Variants in HMGB1 observed in about 807,000 individuals in gnomAD.
HMGB1 encodes high mobility group protein B1.
For missense variants in HMGB1, 79 were observed against 253.5 expected, an observed-to-expected ratio of 0.31 and a Z score of 4.67; for synonymous variants, 81 against 84.0, an observed-to-expected ratio of 0.96 and a Z score of 0.19.
At position 30,460,398 on chromosome 13, in the gene HMGB1, C is replaced by A. The variant is rs1465623284; in HGVS notation, c.*959G>T. The stretch of plus-strand genomic sequence containing the variant: ...TCATAGTCTTCACTGAGACTAATGT[C>A]AACAAAAAATTTAATATGGCAGTCT... On this transcript the variant is annotated 3_prime_UTR_variant, in exon 5 of 5. Coordinates refer to ENST00000341423, the MANE Select transcript of HMGB1 (RefSeq NM_002128.7). The A allele has an allele frequency of 4.6e-5, 7 of 151,268 alleles. No homozygotes were observed. Among genetic ancestry groups the A allele is most frequent in the Non-Finnish European group, 7.4e-5 (5 of 67,688 alleles). The allele number at this position is 151,268 out of a possible 1,614,324, so 9.4% of individuals were successfully genotyped here. A position where few individuals can be genotyped will look rare whatever the true frequency, so the allele number is the denominator to read the frequency against.
At chr13:30,463,173 G>T in intron 3 of HMGB1, 34 bp downstream of exon 3, 1 of 1,589,790 alleles carries the variant, frequency 6.3e-7, no homozygotes, top group South Asian at 1.2e-5. Context: ...ACTGTAAAAC[G>T]TGTCTGGGAA....
intron 1 of HMGB1, among the ~76,000 whole-genome samples, chr13:30,473,702 C>T (rs1188832381): frequency 1.3e-5 from 2 of 152,294 alleles, no homozygotes; most frequent in East Asian, 3.9e-4. Flanking sequence ...GACAGTTCCT[C>T]AAAAGGTTAA....
chr13:30,538,757 T>C (rs1371358667), intron 1 of HMGB1, among the ~76,000 whole-genome samples: 5 of 148,842 alleles, frequency 3.4e-5, no homozygotes, highest in African/African-American at 7.5e-5. Flanking sequence ...TTTTCTTTCT[T>C]TCTCTTTCTC....
chr13:30,602,671 A>G (rs1422629190), intron 1 of HMGB1, among the ~76,000 whole-genome samples: 1 of 151,988 alleles, frequency 6.6e-6, no homozygotes, highest in African/African-American at 2.4e-5. Flanking sequence ...TCAACACTTC[A>G]ATAATCACTG....
intron 1 of HMGB1, among the ~76,000 whole-genome samples, chr13:30,609,161 G>A (rs1374011662): frequency 2.0e-5 from 3 of 152,200 alleles, no homozygotes; most frequent in Admixed American, 6.5e-5. Flanking sequence ...TACTCAGGAC[G>A]CTGAGGCAGG....
intron 1 of HMGB1, among the ~76,000 whole-genome samples, chr13:30,514,308 A>T (rs1176331506): frequency 1.3e-5 from 2 of 151,448 alleles, no homozygotes; most frequent in African/African-American, 4.8e-5. Context: ...GAGCTCAATC[A>T]ATGCTAGCCA....
At chr13:30,549,134 A>C (rs560268966) in intron 1 of HMGB1, among the ~76,000 whole-genome samples, 1 of 152,112 alleles carries the variant, frequency 6.6e-6, no homozygotes, top group South Asian at 2.1e-4. Flanking sequence ...CCATCTCTAC[A>C]AAAAATAAGA....
intron 1 of HMGB1, among the ~76,000 whole-genome samples, chr13:30,522,603 C>CT (rs1281431477): frequency 3.9e-5 from 6 of 152,256 alleles, no homozygotes; most frequent in Admixed American, 3.9e-4. Context: ...TATGGCATGG[C>CT]TACTGGCATC....
At chr13:30,484,096 C>T (rs568396888) in intron 1 of HMGB1, among the ~76,000 whole-genome samples, 2 of 152,290 alleles carry the variant, frequency 1.3e-5, no homozygotes, top group East Asian at 3.9e-4. Flanking sequence ...GCTTGTCTTT[C>T]AGCTCTGAGA....
rs1248991681 is a variant in HMGB1, at chr13:30,462,631, C to T, written c.378G>A (p.Ala126=). The T allele has an allele frequency of 2.5e-6, 4 of 1,610,126 alleles. No homozygotes were observed. The highest frequency in any genetic ancestry group is 2.2e-5 in the East Asian group (1 of 44,872). ...EHPGLSIGDV[A]KKLGEMWNNT... is the part of the protein sequence containing the mutation. ...TATTCCACATCTCTCCCAGTTTCTT[C>T]GCAACATCACCAATGGACAGGCCAG... is the stretch of plus-strand genomic sequence containing the variant. Residue 126 remains alanine, a synonymous_variant, in exon 4 of 5, where the codon GCG becomes GCA. Transcript: ENST00000341423.
At chr13:30,476,653 C>G (rs1410402526) in intron 1 of HMGB1, among the ~76,000 whole-genome samples, 1 of 151,918 alleles carries the variant, frequency 6.6e-6, no homozygotes, top group Non-Finnish European at 1.5e-5. Context: ...CACTTGAGCC[C>G]AGGAGTTCAA....
chr13:30,574,392 CCTAGTGCTAACACACTGT>C (rs1361582609), intron 1 of HMGB1, among the ~76,000 whole-genome samples: 1 of 152,194 alleles, frequency 6.6e-6, no homozygotes, highest in African/African-American at 2.4e-5. Flanking sequence ...GTTCTGTATT[CCTAGTGCTAACACACTGT>C]CTACCATAGA....
intron 1 of HMGB1, among the ~76,000 whole-genome samples, chr13:30,587,717 T>A (rs1197028696): frequency 1.3e-5 from 2 of 152,228 alleles, no homozygotes; most frequent in Non-Finnish European, 2.9e-5. Context: ...GCAAATGAAC[T>A]ACTTATTCTC....
intron 1 of HMGB1, among the ~76,000 whole-genome samples, chr13:30,534,714 A>G (rs1040932257): frequency 6.9e-6 from 1 of 144,818 alleles, no homozygotes; most frequent in Non-Finnish European, 1.5e-5. Context: ...AGCAGCTGGG[A>G]TTATGGGCAT....
chr13:30,553,125 T>C (rs1311627456), intron 1 of HMGB1, among the ~76,000 whole-genome samples: 1 of 152,176 alleles, frequency 6.6e-6, no homozygotes, highest in Non-Finnish European at 1.5e-5. Context: ...TGTTAAAAGG[T>C]TCCTCAGAAG....
At chr13:30,483,291 A>C (rs1887277921) in intron 1 of HMGB1, among the ~76,000 whole-genome samples, 1 of 151,892 alleles carries the variant, frequency 6.6e-6, no homozygotes, top group East Asian at 1.9e-4. Flanking sequence ...CATCATTAAA[A>C]CTTCCTCTGG....
At position 30,506,537 on chromosome 13, in the gene HMGB1, CTTG is replaced by C. The variant is rs147369674; in HGVS notation, c.-14-42846_-14-42844del. Among the ~76,000 whole-genome samples the C allele has an allele frequency of 2.5e-3, 386 of 152,280 alleles. 1 individual carries two copies. Among genetic ancestry groups the C allele is most frequent in the African/African-American group, 8.7e-3 (363 of 41,548 alleles). On this transcript the variant is annotated intron_variant, in intron 1 of 4. Coordinates refer to the HMGB1 transcript ENST00000405805. Reference sequence around the variant, plus strand: ...CTTCCATCTCACACGAAGACCGGTCCTTGTTGTTTCTGGCCAACGTGTCCACCT... The same window carrying C: ...CTTCCATCTCACACGAAGACCGGTCCTTGTTTCTGGCCAACGTGTCCACCT...
At chr13:30,579,271 C>T (rs17074755) in intron 1 of HMGB1, among the ~76,000 whole-genome samples, 4,090 of 152,170 alleles carry the variant, frequency 0.027, 202 homozygotes, top group African/African-American at 0.094. Context: ...TCACTTTTCA[C>T]GCTATAGGCC....
At chr13:30,591,565 C>A (rs955039450) in intron 1 of HMGB1, among the ~76,000 whole-genome samples, 8 of 150,060 alleles carry the variant, frequency 5.3e-5, no homozygotes, top group African/African-American at 2.0e-4. Flanking sequence ...GGCTGGAGTG[C>A]AGTGGCACAA....
Sources: allele counts gnomAD v4.1 joint callset (sites outside exome capture counted in the v4.1 genomes callset), GRCh38; gene constraint gnomAD v4.1.1; transcripts MANE v1.5; gene names NCBI Gene and HGNC (gene_info 2026-07-23, HGNC 2026-07-21).